PRTFDC1: variants seen among roughly 807,000 people sequenced by gnomAD.
PRTFDC1 encodes phosphoribosyltransferase domain-containing protein 1.
PRTFDC1 carries 38 observed loss-of-function variants against 34.6 expected under a neutral mutation model. The ratio of observed to expected loss-of-function variants is 1.10; its 90% confidence interval spans 0.85 to 1.44. PRTFDC1 has a LOEUF of 1.44. Among genes scored for constraint, PRTFDC1 ranks in the 40% most tolerant of loss-of-function variants. The pLI, the probability that PRTFDC1 is intolerant of heterozygous loss-of-function variation, is 0.00. For synonymous variants in PRTFDC1, 93 were observed against 98.1 expected, an observed-to-expected ratio of 0.95 and a Z score of 0.31; for missense variants, 270 against 283.0, an observed-to-expected ratio of 0.95 and a Z score of 0.33.
Position 24,881,019 on chromosome 10 carries a change from TTCTC to T in PRTFDC1, c.340-8960_340-8957del, listed in dbSNP as rs768643198. ...CTCCTTCCTTCCTTTCTCTCTTTCT[TTCTC>T]TCTCTCTATCTCTTTCTTTCTTTCT... On this transcript the variant is annotated intron_variant, in intron 3 of 8. Coordinates refer to ENST00000320152, the MANE Select transcript of PRTFDC1 (RefSeq NM_020200.7). 3.9e-4 allele frequency among the ~76,000 whole-genome samples: 56 copies of T among 142,868 alleles called. 1 individual carries two copies. Among genetic ancestry groups the T allele is most frequent in the East Asian group, 3.8e-3 (19 of 4,976 alleles). 93.7% of individuals were successfully genotyped at this position (142,868 alleles called of 152,430 possible).
intron 4 of PRTFDC1, 46 bp from the exon 5 acceptor site, chr10:24,858,455 C>T: frequency 4.4e-6 from 7 of 1,591,976 alleles, no homozygotes; most frequent in Non-Finnish European, 6.0e-6. Context: ...GCCAATCTGA[C>T]TCACAGGATA....
intron 3 of PRTFDC1, among the ~76,000 whole-genome samples, chr10:24,929,463 C>T (rs1326843540): frequency 1.3e-5 from 2 of 152,128 alleles, no homozygotes; most frequent in Non-Finnish European, 2.9e-5. Flanking sequence ...CTTGGTGTTG[C>T]CAACATGCAG....
chr10:24,875,861 T>G (rs1027502603), intron 3 of PRTFDC1, among the ~76,000 whole-genome samples: 1 of 148,908 alleles, frequency 6.7e-6, no homozygotes, highest in Non-Finnish European at 1.5e-5. Flanking sequence ...TTTTTTTTTT[T>G]TTTTTTTTTT....
At chr10:24,881,867 C>A (rs944028782) in intron 3 of PRTFDC1, among the ~76,000 whole-genome samples, 9 of 151,984 alleles carry the variant, frequency 5.9e-5, no homozygotes, top group Admixed American at 5.2e-4. Context: ...TAGCTCATAC[C>A]ACACCTTTCC....
intron 7 of PRTFDC1, among the ~76,000 whole-genome samples, chr10:24,852,955 A>G (rs995014401): frequency 1.3e-5 from 2 of 151,972 alleles, no homozygotes; most frequent in African/African-American, 4.8e-5. Context: ...AATAAGTACT[A>G]GAGGTGAGGG....
At chr10:24,899,615 A>G (rs770250292) in intron 3 of PRTFDC1, among the ~76,000 whole-genome samples, 19 of 152,164 alleles carry the variant, frequency 1.2e-4, no homozygotes, top group Non-Finnish European at 2.6e-4. Flanking sequence ...CTGATTTTTA[A>G]CTAACCAGAA....
rs577224606 is a variant in PRTFDC1 at position 24,900,937 on chromosome 10, C to T, written c.340-28874G>A. ...AGGAGACTATTTTGTGGTAACTTGT[C>T]GCTAACAGGTGTTTGCAATTAGATT... On this transcript the variant is annotated intron_variant, in intron 3 of 8. Transcript: ENST00000320152. Among the ~76,000 whole-genome samples the T allele has an allele frequency of 4.6e-5, 7 of 152,264 alleles. No individual in the cohort carries two copies. In the South Asian group the frequency reaches 6.2e-4, roughly 14 times the overall value.
intron 4 of PRTFDC1, among the ~76,000 whole-genome samples, chr10:24,866,242 T>A (rs1375058344): frequency 6.6e-6 from 1 of 150,770 alleles, no homozygotes; most frequent in Non-Finnish European, 1.5e-5. Flanking sequence ...GCTCCTCTAA[T>A]CCCAGCCACT....
At chr10:24,951,464 C>T (rs1264165241) in intron 1 of PRTFDC1, 1 of 686,552 alleles carries the variant, frequency 1.5e-6, no homozygotes, top group Non-Finnish European at 1.8e-6. Context: ...AAGGAAAGGT[C>T]CTGCTGTTAA....
intron 3 of PRTFDC1, chr10:24,908,617 C>T: frequency 6.2e-7 from 1 of 1,612,612 alleles, no homozygotes; most frequent in Non-Finnish European, 8.5e-7. Flanking sequence ...CACAGCTACT[C>T]ATATACCCTT....
chr10:24,941,103 C>G (rs11014314), intron 2 of PRTFDC1, among the ~76,000 whole-genome samples: 67,137 of 151,470 alleles, frequency 0.44, 15,213 homozygotes, highest in Middle Eastern at 0.57. Context: ...CCCCAGGCTA[C>G]AGTGCAGTGG....
chr10:24,871,988 A>C lies in PRTFDC1; in HGVS notation c.405+10T>G. ...CTCAATGCGGTCTGAGCACAGTTAC[A>C]TGAACAAACCTTTCCAGCCAGCGTT... is the stretch of plus-strand genomic sequence containing the variant. On this transcript the variant is annotated intron_variant, in intron 4 of 8. Coordinates refer to ENST00000320152, the MANE Select transcript of PRTFDC1 (RefSeq NM_020200.7). 6.2e-7 allele frequency: 1 copy of C among 1,603,492 alleles called. No individual in the cohort carries two copies. Among genetic ancestry groups the C allele is most frequent in the Non-Finnish European group, 8.5e-7 (1 of 1,170,488 alleles).
At chr10:24,908,814 C>G in intron 3 of PRTFDC1, 1 of 1,371,650 alleles carries the variant, frequency 7.3e-7, no homozygotes, top group South Asian at 1.6e-5. Flanking sequence ...CTCACATCCC[C>G]CTTTTCCAAA....
chr10:24,870,058 T>G (rs1215091250), intron 4 of PRTFDC1, among the ~76,000 whole-genome samples: 1 of 152,204 alleles, frequency 6.6e-6, no homozygotes, highest in African/African-American at 2.4e-5. Flanking sequence ...AGGTAAACAT[T>G]GCAACTTGTG....
chr10:24,943,204 A>C (rs1425073192), intron 1 of PRTFDC1, among the ~76,000 whole-genome samples: 1 of 151,932 alleles, frequency 6.6e-6, no homozygotes, highest in East Asian at 1.9e-4. Context: ...TTCTTATTAA[A>C]AGTACGTATC....
chr10:24,943,282 T>C (rs1849198929), intron 1 of PRTFDC1, among the ~76,000 whole-genome samples: 1 of 152,078 alleles, frequency 6.6e-6, no homozygotes, highest in African/African-American at 2.4e-5. Context: ...TAAAAGGATG[T>C]ACTATGTTAG....
At chr10:24,935,629 G>C (rs370604616) in intron 3 of PRTFDC1, among the ~76,000 whole-genome samples, 1 of 152,192 alleles carries the variant, frequency 6.6e-6, no homozygotes, top group Non-Finnish European at 1.5e-5. Context: ...TTGTAAACGT[G>C]GTGGGAATTC....
At chr10:24,933,240 C>A (rs1848995939) in intron 3 of PRTFDC1, among the ~76,000 whole-genome samples, 1 of 151,598 alleles carries the variant, frequency 6.6e-6, no homozygotes, top group Non-Finnish European at 1.5e-5. Context: ...GCATGATCCA[C>A]AAAAGGACAC....
intron 4 of PRTFDC1, among the ~76,000 whole-genome samples, chr10:24,859,081 C>A (rs11014268): frequency 0.12 from 18,016 of 152,134 alleles, 1,347 homozygotes; most frequent in South Asian, 0.21. Flanking sequence ...TCTCAGTGCT[C>A]GAGGCGGGGC....
Sources: gnomAD v4.1 joint callset for allele counts (sites outside exome capture counted in the v4.1 genomes callset) on GRCh38, gnomAD v4.1.1 for gene constraint, MANE v1.5 for transcripts, NCBI Gene and HGNC (gene_info 2026-07-23, HGNC 2026-07-21) for gene names.